Variants in SLC7A11 observed in about 807,000 individuals in gnomAD.
SLC7A11 encodes the protein solute carrier family 7 member 11, also known as cystine/glutamate transporter.
Under a neutral mutation model 54.5 loss-of-function variants are expected in SLC7A11, and 35 were observed. The observed-to-expected ratio is 0.64, with a 90% CI of 0.49 to 0.85. The LOEUF is 0.85. Among genes scored for constraint, SLC7A11 ranks in the 40% least tolerant of loss-of-function variants. The pLI is 0.00. For missense variants in SLC7A11, 583 were observed against 618.1 expected (o/e 0.94, Z 0.60); for synonymous variants, 230 against 225.2 (o/e 1.02, Z -0.19).
intron 7 of SLC7A11, among the ~76,000 whole-genome samples, chr4:138,183,668 T>C (rs1736802950): frequency 6.6e-6 from 1 of 152,182 alleles, no homozygotes; most frequent in Non-Finnish European, 1.5e-5. Flanking sequence ...TTCTGTATAA[T>C]ACGTTCTCTT....
At chr4:138,227,864 C>T (rs920913251) in intron 3 of SLC7A11, among the ~76,000 whole-genome samples, 4 of 152,140 alleles carry the variant, frequency 2.6e-5, no homozygotes, top group African/African-American at 9.7e-5. Flanking sequence ...GATAGTTGTT[C>T]TGCAGTACTT....
At chr4:138,181,500 C>A (rs531298128) in intron 9 of SLC7A11, among the ~76,000 whole-genome samples, 1 of 151,924 alleles carries the variant, frequency 6.6e-6, no homozygotes, top group African/African-American at 2.4e-5. Context: ...CCACAAGTGA[C>A]GTTAACATCC....
Position 138,242,129 on chromosome 4 carries a change from G to A in SLC7A11, c.-60C>T. 1 of 1,540,754 alleles carries A rather than the reference G, an allele frequency of 6.5e-7. No individual in the cohort carries two copies. Among genetic ancestry groups the A allele is most frequent in the Non-Finnish European group, 8.8e-7 (1 of 1,140,674 alleles). On this transcript the variant is annotated 5_prime_UTR_variant, in exon 1 of 12. Coordinates refer to ENST00000280612, the MANE Select transcript of SLC7A11 (RefSeq NM_014331.4). ...GAAAGAAAACAAAACTTTCAACTTT[G>A]GTGTCTCTTGGTGTTACTGATCGAT...
At chr4:138,181,646 G>A (rs1378139350) in intron 9 of SLC7A11, among the ~76,000 whole-genome samples, 1 of 152,118 alleles carries the variant, frequency 6.6e-6, no homozygotes, top group East Asian at 1.9e-4. Context: ...TGAGAGAAAT[G>A]TTACAAAATC....
At chr4:138,230,453 C>T (rs1415601908) in intron 3 of SLC7A11, among the ~76,000 whole-genome samples, 1 of 151,176 alleles carries the variant, frequency 6.6e-6, no homozygotes, top group Admixed American at 6.6e-5. Flanking sequence ...AGAATGTGAC[C>T]CAAACAAAAA....
intron 2 of SLC7A11, 67 bp downstream of exon 2, chr4:138,236,258 A>G (rs1738202859): frequency 2.6e-5 from 37 of 1,424,676 alleles, no homozygotes; most frequent in Non-Finnish European, 3.4e-5. Flanking sequence ...CCAGTTAAAA[A>G]TAATCAAGGT....
intron 6 of SLC7A11, among the ~76,000 whole-genome samples, chr4:138,195,662 A>G (rs1298788966): frequency 6.6e-6 from 1 of 152,124 alleles, no homozygotes. Context: ...TCTCTCCATT[A>G]CCTACTGTTT....
At chr4:138,219,860 T>C (rs1737766930) in intron 4 of SLC7A11, among the ~76,000 whole-genome samples, 1 of 152,174 alleles carries the variant, frequency 6.6e-6, no homozygotes, top group African/African-American at 2.4e-5. Flanking sequence ...TATCCCATGT[T>C]GTTCATTAGA....
intron 1 of SLC7A11, among the ~76,000 whole-genome samples, chr4:138,239,040 C>A (rs1315095415): frequency 6.6e-6 from 1 of 152,156 alleles, no homozygotes; most frequent in Admixed American, 6.5e-5. Context: ...AACGAGTCTG[C>A]AGACTAATAT....
At position 138,170,336 on chromosome 4, in the gene SLC7A11, A is replaced by C. The variant is rs1736395809; in HGVS notation, c.*1620T>G. ...TATATATATAATCTTTTTTTTTTGG[A>C]GATGGAGTCTGACTTTGTCACCCAG... On this transcript the variant is annotated 3_prime_UTR_variant, in exon 12 of 12. Transcript: ENST00000280612. 1 of 142,890 alleles carries C rather than the reference A, an allele frequency of 7.0e-6. No individual in the cohort carries two copies. The highest frequency in any genetic ancestry group is 2.6e-5 in the African/African-American group (1 of 38,744). The allele number at this position is 142,890 out of a possible 1,614,324, so 8.9% of individuals were successfully genotyped here.
intron 11 of SLC7A11, among the ~76,000 whole-genome samples, chr4:138,173,500 G>T (rs547535616): frequency 6.6e-6 from 1 of 151,978 alleles, no homozygotes; most frequent in Non-Finnish European, 1.5e-5. Flanking sequence ...TGGGTGTGAT[G>T]GTGCATGCCT....
At position 138,232,284 on chromosome 4, in the gene SLC7A11, A is replaced by T. The variant is rs542769257; in HGVS notation, c.503T>A (p.Ile168Asn). Reference sequence around the variant, plus strand: ...ATACTCACTTATGCCCACAGCTGTAATGAGCTTGATCGCAAGTTCAGGGAT... The same window carrying T: ...ATACTCACTTATGCCCACAGCTGTATTGAGCTTGATCGCAAGTTCAGGGAT... ...CEIPELAIKL[I>N]TAVGITVVMV... is the part of the protein sequence containing the mutation. Residue 168 changes from isoleucine (I) to asparagine (N), a missense_variant, in exon 3 of 12, where the codon ATT becomes AAT. Transcript: ENST00000280612. 1 of 1,607,496 alleles carries T rather than the reference A, an allele frequency of 6.2e-7. No individual in the cohort carries two copies. Among genetic ancestry groups the T allele is most frequent in the South Asian group, 1.1e-5 (1 of 90,910 alleles).
rs1198022645 is a variant in SLC7A11 at position 138,166,958 on chromosome 4, T to C, written c.*4998A>G. On this transcript the variant is annotated 3_prime_UTR_variant, in exon 12 of 12. Transcript: ENST00000280612. Reference sequence around the variant, plus strand: ...TCCTGTGAGACTATGATTTATGCTTTTGTGAATGTATACCTGATCTAAAAT... The same window carrying C: ...TCCTGTGAGACTATGATTTATGCTTCTGTGAATGTATACCTGATCTAAAAT... 2 of 152,130 alleles carry C rather than the reference T, an allele frequency of 1.3e-5. No homozygotes were observed. Among genetic ancestry groups the C allele is most frequent in the Non-Finnish European group, 2.9e-5 (2 of 68,022 alleles). 9.4% of individuals were successfully genotyped at this position (152,130 alleles called of 1,614,324 possible).
At chr4:138,226,106 A>T (rs1737942432) in intron 3 of SLC7A11, among the ~76,000 whole-genome samples, 1 of 152,180 alleles carries the variant, frequency 6.6e-6, no homozygotes, top group Non-Finnish European at 1.5e-5. Context: ...GGAAGACAAA[A>T]TTAAACAGAT....
intron 6 of SLC7A11, among the ~76,000 whole-genome samples, chr4:138,204,271 C>T (rs577804410): frequency 6.6e-6 from 1 of 152,154 alleles, no homozygotes; most frequent in South Asian, 2.1e-4. Flanking sequence ...GAAATTACTT[C>T]ACTACTCTGA....
chr4:138,174,158 C>A (rs1343952182), intron 11 of SLC7A11, among the ~76,000 whole-genome samples: 1 of 152,168 alleles, frequency 6.6e-6, no homozygotes, highest in Non-Finnish European at 1.5e-5. Context: ...ACATGAAAGC[C>A]TTTTCCAAAA....
chr4:138,212,859 C>G (rs1020607911), intron 6 of SLC7A11, among the ~76,000 whole-genome samples: 1 of 151,846 alleles, frequency 6.6e-6, no homozygotes, highest in Non-Finnish European at 1.5e-5. Flanking sequence ...GTCTGCAACC[C>G]TACAATTTGC....
At chr4:138,205,937 C>G (rs1306110793) in intron 6 of SLC7A11, among the ~76,000 whole-genome samples, 1 of 151,790 alleles carries the variant, frequency 6.6e-6, no homozygotes, top group African/African-American at 2.4e-5. Flanking sequence ...AATATTTGAC[C>G]CATCTTTTAT....
chr4:138,237,030 A>G (rs1240346040), intron 1 of SLC7A11, among the ~76,000 whole-genome samples: 1 of 139,686 alleles, frequency 7.2e-6, no homozygotes, highest in Admixed American at 7.9e-5. Context: ...CTGTCGCCCA[A>G]GCTGGAGTGC....
Sources: gnomAD v4.1 joint callset for allele counts (sites outside exome capture counted in the v4.1 genomes callset) on GRCh38, gnomAD v4.1.1 for gene constraint, MANE v1.5 for transcripts, NCBI Gene and HGNC (gene_info 2026-07-23, HGNC 2026-07-21) for gene names.